Variants in SETBP1 observed in about 807,000 individuals in gnomAD.
The protein encoded by SETBP1 is SET-binding protein.
A neutral mutation model predicts 101.0 loss-of-function variants in SETBP1; 9 were observed. The observed-to-expected ratio is 0.09, with a 90% CI of 0.05 to 0.16. The LOEUF is 0.16. Among genes scored for constraint, SETBP1 ranks in the 10% least tolerant of loss-of-function variants. The pLI is 1.00. For synonymous variants in SETBP1, 818 were observed against 788.5 expected (o/e 1.04, Z -0.63); for missense variants, 1,858 against 2,033.8 (o/e 0.91, Z 1.66).
chr18:44,717,648 A>G (rs749438104), intron 2 of SETBP1, among the ~76,000 whole-genome samples: 4 of 152,240 alleles, frequency 2.6e-5, no homozygotes, highest in African/African-American at 4.8e-5. Flanking sequence ...GGGAATGAAC[A>G]TATGATGAAT....
chr18:45,000,246 T>C (rs754674447), intron 4 of SETBP1, among the ~76,000 whole-genome samples: 3 of 152,228 alleles, frequency 2.0e-5, no homozygotes, highest in Non-Finnish European at 4.4e-5. Flanking sequence ...TATTAGGCAC[T>C]AAGACATTTG....
intron 4 of SETBP1, among the ~76,000 whole-genome samples, chr18:45,003,846 C>T (rs1336347865): frequency 6.6e-6 from 1 of 152,182 alleles, no homozygotes; most frequent in Non-Finnish European, 1.5e-5. Context: ...TTTCTTATCA[C>T]TGTGCTTTAT....
At chr18:44,851,696 C>T (rs575402600) in intron 2 of SETBP1, among the ~76,000 whole-genome samples, 1 of 152,258 alleles carries the variant, frequency 6.6e-6, no homozygotes, top group East Asian at 1.9e-4. Context: ...TCTCATTGTC[C>T]TCTTCAATAA....
At chr18:44,806,048 C>T (rs1467674446) in intron 2 of SETBP1, among the ~76,000 whole-genome samples, 1 of 152,100 alleles carries the variant, frequency 6.6e-6, no homozygotes, top group East Asian at 1.9e-4. Context: ...TCCTCTTTGC[C>T]TCTGTCACAC....
At chr18:45,034,593 G>T (rs936417503) in intron 4 of SETBP1, among the ~76,000 whole-genome samples, 1 of 152,070 alleles carries the variant, frequency 6.6e-6, no homozygotes, top group Non-Finnish European at 1.5e-5. Flanking sequence ...TTTCCTATAG[G>T]TTTAAGTTTT....
intron 3 of SETBP1, among the ~76,000 whole-genome samples, chr18:44,899,282 A>G (rs1363572524): frequency 1.3e-5 from 2 of 152,226 alleles, no homozygotes; most frequent in African/African-American, 2.4e-5. Context: ...AAATTTTTAA[A>G]TAAATAGTCA....
At chr18:44,695,928 G>T (rs2069009616) in intron 1 of SETBP1, among the ~76,000 whole-genome samples, 1 of 151,748 alleles carries the variant, frequency 6.6e-6, no homozygotes, top group South Asian at 2.1e-4. Context: ...CTCCTAAGTG[G>T]CAGAACTAGG....
chr18:44,846,317 T>A (rs2072723847), intron 2 of SETBP1, among the ~76,000 whole-genome samples: 1 of 152,236 alleles, frequency 6.6e-6, no homozygotes, highest in Non-Finnish European at 1.5e-5. Flanking sequence ...AAGTGTGCAA[T>A]TCAGTGGTTT....
chr18:44,994,274 T>C (rs999332031), intron 4 of SETBP1, among the ~76,000 whole-genome samples: 2 of 152,094 alleles, frequency 1.3e-5, no homozygotes, highest in Non-Finnish European at 2.9e-5. Context: ...AGGAAAATTA[T>C]AATCAGATTA....
At chr18:44,851,672 T>C (rs1250467537) in intron 2 of SETBP1, among the ~76,000 whole-genome samples, 2 of 151,574 alleles carry the variant, frequency 1.3e-5, no homozygotes, top group Admixed American at 1.3e-4. Context: ...CATAATATGC[T>C]TTTTTTTTCT....
chr18:44,877,317 CA>C (rs2069429171), intron 3 of SETBP1: 1 of 792,412 alleles, frequency 1.3e-6, no homozygotes, highest in South Asian at 5.8e-5. Context: ...GGATTAAGGA[CA>C]AAGTATCTGG....
intron 3 of SETBP1, among the ~76,000 whole-genome samples, chr18:44,875,936 G>T (rs2069393019): frequency 6.6e-6 from 1 of 152,186 alleles, no homozygotes; most frequent in South Asian, 2.1e-4. Context: ...ACACAGACCA[G>T]TGTGACCACT....
intron 1 of SETBP1, among the ~76,000 whole-genome samples, chr18:44,697,847 G>T (rs2069045634): frequency 6.6e-6 from 1 of 152,196 alleles, no homozygotes; most frequent in Non-Finnish European, 1.5e-5. Flanking sequence ...ATATGGAAAG[G>T]CTTGGGATCT....
intron 2 of SETBP1, among the ~76,000 whole-genome samples, chr18:44,797,538 T>G (rs561966944): frequency 2.0e-5 from 3 of 152,256 alleles, no homozygotes; most frequent in South Asian, 4.2e-4. Context: ...TGTAGCCTGG[T>G]GAGAGGTGGC....
At chr18:44,767,422 A>G (rs1270735245) in intron 2 of SETBP1, among the ~76,000 whole-genome samples, 3 of 152,264 alleles carry the variant, frequency 2.0e-5, no homozygotes, top group Non-Finnish European at 2.9e-5. Context: ...TTAGAAAACT[A>G]TTCTCAGAGG....
chr18:45,058,485 A>C (rs1464761869), intron 5 of SETBP1, among the ~76,000 whole-genome samples: 1 of 152,222 alleles, frequency 6.6e-6, no homozygotes, highest in Non-Finnish European at 1.5e-5. Context: ...CGGCAAACTA[A>C]ATATAGAAGG....
intron 4 of SETBP1, among the ~76,000 whole-genome samples, chr18:44,967,269 G>C (rs1221563631): frequency 1.3e-5 from 2 of 152,174 alleles, no homozygotes. Context: ...ATTATCCGTA[G>C]AACTTGGGAA....
intron 2 of SETBP1, among the ~76,000 whole-genome samples, chr18:44,723,111 A>G (rs1042129026): frequency 1.3e-5 from 2 of 152,170 alleles, no homozygotes; most frequent in African/African-American, 4.8e-5. Context: ...TAGTGTTCCA[A>G]TAATGGAACA....
At chr18:44,693,707 G>T (rs941820618) in intron 1 of SETBP1, among the ~76,000 whole-genome samples, 1 of 152,186 alleles carries the variant, frequency 6.6e-6, no homozygotes, top group Non-Finnish European at 1.5e-5. Context: ...AGGCCAATGA[G>T]TCTAGGTTGA....
Sources: gnomAD v4.1 joint callset for allele counts (sites outside exome capture counted in the v4.1 genomes callset) on GRCh38, gnomAD v4.1.1 for gene constraint, MANE v1.5 for transcripts, NCBI Gene and HGNC (gene_info 2026-07-23, HGNC 2026-07-21) for gene names.